The following GABRB2 variants were observed in gnomAD, a reference collection of about 807,000 sequenced individuals.
GABRB2 encodes gamma-aminobutyric acid type A receptor subunit beta2.
A neutral mutation model predicts 54.7 loss-of-function variants in GABRB2; 16 were observed. That is an observed-to-expected ratio of 0.29 (90% confidence interval 0.20 to 0.44). The LOEUF (loss-of-function observed/expected upper bound fraction) is 0.44. Ranked by LOEUF, GABRB2 falls within the 20% of genes least tolerant of loss-of-function variation. The pLI is 1.00. For missense variants in GABRB2, 355 were observed against 644.0 expected (o/e 0.55, Z 4.86); for synonymous variants, 244 against 233.8 (o/e 1.04, Z -0.40).
At chr5:161,522,103 G>C (rs533426645) in intron 3 of GABRB2, among the ~76,000 whole-genome samples, 1 of 151,880 alleles carries the variant, frequency 6.6e-6, no homozygotes, top group African/African-American at 2.4e-5. Flanking sequence ...TTTTCAGTAA[G>C]AAGGGTGTCA....
chr5:161,314,016 T>C (rs1250599342), intron 9 of GABRB2, among the ~76,000 whole-genome samples: 1 of 152,250 alleles, frequency 6.6e-6, no homozygotes, highest in East Asian at 1.9e-4. Context: ...TGCAGCTGGC[T>C]GCATCAGGGT....
chr5:161,431,274 T>G (rs546766385), intron 4 of GABRB2, among the ~76,000 whole-genome samples: 1 of 152,262 alleles, frequency 6.6e-6, no homozygotes, highest in East Asian at 1.9e-4. Context: ...GTTCAATATA[T>G]GCTAACCACT....
At chr5:161,539,186 C>T (rs1448252576) in intron 3 of GABRB2, among the ~76,000 whole-genome samples, 1 of 152,252 alleles carries the variant, frequency 6.6e-6, no homozygotes, top group East Asian at 1.9e-4. Flanking sequence ...CCATAATCCT[C>T]AGAGCCAAAA....
At chr5:161,354,800 A>G (rs2113441107) in intron 5 of GABRB2, among the ~76,000 whole-genome samples, 1 of 152,202 alleles carries the variant, frequency 6.6e-6, no homozygotes, top group Non-Finnish European at 1.5e-5. Flanking sequence ...ATCTATTAAG[A>G]CTAATGCAAA....
intron 3 of GABRB2, among the ~76,000 whole-genome samples, chr5:161,511,824 T>A: frequency 6.6e-6 from 1 of 152,036 alleles, no homozygotes; most frequent in Non-Finnish European, 1.5e-5. Context: ...TCCCTTTTTA[T>A]GAGAACACTG....
chr5:161,411,385 A>G (rs530287122), intron 4 of GABRB2, among the ~76,000 whole-genome samples: 16 of 152,312 alleles, frequency 1.1e-4, no homozygotes, highest in African/African-American at 3.8e-4. Flanking sequence ...CACAAGCATC[A>G]CTGCTGACTG....
intron 3 of GABRB2, among the ~76,000 whole-genome samples, chr5:161,523,017 TTATACA>T (rs1760166629): frequency 6.6e-6 from 1 of 151,526 alleles, no homozygotes; most frequent in Admixed American, 6.6e-5. Context: ...TTAATAAGCC[TTATACA>T]TATAGTAAAT....
At chr5:161,488,464 GAAATAT>G (rs1758993544) in intron 3 of GABRB2, among the ~76,000 whole-genome samples, 1 of 151,636 alleles carries the variant, frequency 6.6e-6, no homozygotes, top group Non-Finnish European at 1.5e-5. Flanking sequence ...TAGTTTTGGT[GAAATAT>G]GATTGTATAA....
chr5:161,440,667 T>G (rs1757444267), intron 4 of GABRB2, among the ~76,000 whole-genome samples: 1 of 152,072 alleles, frequency 6.6e-6, no homozygotes, highest in Non-Finnish European at 1.5e-5. Flanking sequence ...TCTAAGTTAT[T>G]CTAAGCAAAA....
intron 9 of GABRB2, among the ~76,000 whole-genome samples, chr5:161,297,939 C>T (rs1373275241): frequency 5.3e-5 from 8 of 152,168 alleles, no homozygotes; most frequent in Admixed American, 5.2e-4. Context: ...TCCTCTCCAG[C>T]ATCTGTTGTT....
At chr5:161,309,662 G>T (rs376314981) in intron 9 of GABRB2, among the ~76,000 whole-genome samples, 3 of 148,472 alleles carry the variant, frequency 2.0e-5, no homozygotes, top group Non-Finnish European at 3.0e-5. Flanking sequence ...ATGGAGTCTC[G>T]CTCTGTTGCT....
At chr5:161,304,863 T>C (rs1757637273) in intron 9 of GABRB2, among the ~76,000 whole-genome samples, 1 of 152,036 alleles carries the variant, frequency 6.6e-6, no homozygotes, top group East Asian at 1.9e-4. Flanking sequence ...GTGCCTCTTA[T>C]TATAAAGTAC....
chr5:161,434,690 G>A (rs1041695391), intron 4 of GABRB2, among the ~76,000 whole-genome samples: 4 of 152,078 alleles, frequency 2.6e-5, no homozygotes, highest in African/African-American at 4.8e-5. Flanking sequence ...CCATCACCTC[G>A]TAAGCATACA....
chr5:161,479,999 C>G (rs563340078), intron 3 of GABRB2, among the ~76,000 whole-genome samples: 1 of 152,236 alleles, frequency 6.6e-6, no homozygotes, highest in Admixed American at 6.5e-5. Flanking sequence ...CATACACACA[C>G]AGACTTCATA....
chr5:161,442,688 C>G (rs931790454), intron 4 of GABRB2, among the ~76,000 whole-genome samples: 1 of 152,154 alleles, frequency 6.6e-6, no homozygotes, highest in African/African-American at 2.4e-5. Flanking sequence ...CAAAGAATTC[C>G]CAGCCACTGA....
At chr5:161,533,037 G>A (rs1760513112) in intron 3 of GABRB2, among the ~76,000 whole-genome samples, 1 of 152,090 alleles carries the variant, frequency 6.6e-6, no homozygotes, top group South Asian at 2.1e-4. Flanking sequence ...TTTGTGTTAG[G>A]AGAGAAGTCA....
intron 3 of GABRB2, among the ~76,000 whole-genome samples, chr5:161,469,367 C>A (rs1370518916): frequency 2.0e-5 from 3 of 151,762 alleles, no homozygotes; most frequent in African/African-American, 7.3e-5. Flanking sequence ...GCATAAATTT[C>A]TTTTATATTG....
intron 3 of GABRB2, among the ~76,000 whole-genome samples, chr5:161,499,615 A>AACTAAAC (rs937262857): frequency 3.2e-4 from 48 of 152,344 alleles, no homozygotes; most frequent in African/African-American, 1.1e-3. Flanking sequence ...TAAAACAACC[A>AACTAAAC]ACTAAACAAA....
At chr5:161,300,133 T>C (rs1303749555) in intron 9 of GABRB2, among the ~76,000 whole-genome samples, 11 of 152,266 alleles carry the variant, frequency 7.2e-5, no homozygotes, top group African/African-American at 2.4e-4. Context: ...AGCAAAAGTA[T>C]AGGAGATTGA....
Sources: allele counts gnomAD v4.1 joint callset (sites outside exome capture counted in the v4.1 genomes callset), GRCh38; gene constraint gnomAD v4.1.1; transcripts MANE v1.5; gene names NCBI Gene and HGNC (gene_info 2026-07-23, HGNC 2026-07-21).